Variants in POU6F1 observed in about 807,000 individuals in gnomAD.
POU6F1 encodes POU domain, class 6, transcription factor 1.
Under a neutral mutation model 28.9 loss-of-function variants are expected in POU6F1, and 9 were observed. That is an observed-to-expected ratio of 0.31 (90% CI 0.19 to 0.54). The LOEUF (loss-of-function observed/expected upper bound fraction) is 0.54, where lower values mean the gene tolerates loss of function less well. Ranked by LOEUF, POU6F1 falls within the 20% of genes least tolerant of loss-of-function variation. The pLI is 0.94. For missense variants in POU6F1, 338 were observed against 426.1 expected, an observed-to-expected ratio of 0.79 and a Z score of 1.82; for synonymous variants, 173 against 171.1, an observed-to-expected ratio of 1.01 and a Z score of -0.09.
In POU6F1 at chr12:51,199,989, G is replaced by A. The variant is rs910861672; in HGVS notation, c.245-121C>T. 5 of 398,320 alleles carry A rather than the reference G, an allele frequency of 1.3e-5. No individual in the cohort carries two copies. The highest frequency in any genetic ancestry group is 1.0e-4 in the African/African-American group (5 of 48,628). The allele number at this position is 398,320 out of a possible 1,614,324, so 24.7% of individuals were successfully genotyped here. Reference sequence around the variant, plus strand: ...AAGCGGGGACCCTCAGCCCCATGCTGCATTGCTACATAGCCCAAGACCAAT... The same window carrying A: ...AAGCGGGGACCCTCAGCCCCATGCTACATTGCTACATAGCCCAAGACCAAT... On this transcript the variant is annotated intron_variant, in intron 3 of 10. Coordinates refer to ENST00000333640, the MANE Select transcript of POU6F1 (RefSeq NM_001330422.2). This position sits in a 1 kb window ranked among gnomAD's most constrained non-coding sequence, Gnocchi z 4.1.
rs1345303169 is a variant in POU6F1 at position 51,190,734 on chromosome 12, C to T, written c.1491-142G>A. The T allele has an allele frequency of 7.6e-7, 1 of 1,308,728 alleles. No individual in the cohort carries two copies. Among genetic ancestry groups the T allele is most frequent in the Non-Finnish European group, 1.0e-6 (1 of 977,458 alleles). The allele number at this position is 1,308,728 out of a possible 1,614,324, so 81.1% of individuals were successfully genotyped here. On this transcript the variant is annotated intron_variant, in intron 10 of 10. Transcript: ENST00000333640. The surrounding 1 kb of genome is among the most constrained non-coding windows in gnomAD (Gnocchi z 4.5). ...ACTGTACCCAGTGCTCCCCTCACCA[C>T]CTCCACCAAGACCCCTCTAGTTTGG...
intron 8 of POU6F1, 64 bp downstream of exon 8, chr12:51,195,905 GA>G: frequency 6.7e-7 from 1 of 1,484,062 alleles, no homozygotes; most frequent in South Asian, 1.3e-5. Context: ...TGGCAGTCTG[GA>G]GGGAAGCAGC....
At position 51,198,601 on chromosome 12, in the gene POU6F1, C is replaced by T. The variant is rs968333747; in HGVS notation, c.541G>A (p.Ala181Thr). Residue 181 changes from alanine to threonine, a missense_variant, in exon 5 of 11, where the codon GCT (alanine) becomes ACT (threonine). Ala to Thr is a moderately conservative substitution (Grantham distance 58, BLOSUM62 0). Transcript: ENST00000333640. ...AACACTCCCCCCGTAGGAGAAGCAG[C>T]GGTCAGTCCTGGGAGGGCAGCCACA... is the stretch of plus-strand genomic sequence containing the variant. ...ATVAALPGLT[A>T]ASPTGGVFKP... is the part of the protein sequence containing the mutation. 17 of 399,232 alleles carry T rather than the reference C, an allele frequency of 4.3e-5. No homozygotes were observed. The highest frequency in any genetic ancestry group is 1.8e-4 in the East Asian group (5 of 28,072). 24.7% of individuals were successfully genotyped at this position (399,232 alleles called of 1,614,324 possible). A position where few individuals can be genotyped will look rare whatever the true frequency, so the allele number is the denominator to read the frequency against.
Position 51,199,798 on chromosome 12 carries a change from C to T in POU6F1, c.315G>A (p.Gln105=), listed in dbSNP as rs1943091968. ...GCGTCAGGGTCTGCGATGCCTGAGG[C>T]TGGCTTGGGGCTTGGCTGAAGGTGG... is the stretch of plus-strand genomic sequence containing the variant. ...AIATFSQAPS[Q]PQASQTLTPL... Residue 105 remains glutamine, a synonymous_variant, in exon 4 of 11, where the codon CAG becomes CAA. Coordinates refer to ENST00000333640, the MANE Select transcript of POU6F1 (RefSeq NM_001330422.2). The surrounding 1 kb of genome is among the most constrained non-coding windows in gnomAD (Gnocchi z 4.1). 2.5e-6 allele frequency: 1 copy of T among 399,256 alleles called. No individual in the cohort carries two copies. The highest frequency in any genetic ancestry group is 4.4e-6 in the Non-Finnish European group (1 of 226,194). 24.7% of individuals were successfully genotyped at this position (399,256 alleles called of 1,614,324 possible).
intron 1 of POU6F1, among the ~76,000 whole-genome samples, chr12:51,214,573 C>T (rs972786935): frequency 3.3e-5 from 5 of 152,124 alleles, no homozygotes; most frequent in African/African-American, 1.2e-4. Flanking sequence ...TCTTGCCAAG[C>T]TGTTGGTAGG....
Position 51,206,886 on chromosome 12 carries a change from G to C in POU6F1, c.-47-3C>G. The C allele has an allele frequency of 2.5e-6, 1 of 398,650 alleles. No homozygotes were observed. Among genetic ancestry groups the C allele is most frequent in the Non-Finnish European group, 4.4e-6 (1 of 226,002 alleles). The allele number at this position is 398,650 out of a possible 1,614,324, so 24.7% of individuals were successfully genotyped here. On this transcript the variant is annotated splice_region_variant and splice_polypyrimidine_tract_variant and intron_variant, in intron 1 of 10. Coordinates refer to ENST00000333640, the MANE Select transcript of POU6F1 (RefSeq NM_001330422.2). ...GGCCGGCCCACACCTAGCACATCCT[G>C]GGTAAGATGGGATTGGAAAGGCAAA...
At position 51,199,271 on chromosome 12, in the gene POU6F1, G is replaced by T. The variant is rs1028596226; in HGVS notation, c.366+476C>A. On this transcript the variant is annotated intron_variant, in intron 4 of 10. Transcript: ENST00000333640. This position sits in a 1 kb window ranked among gnomAD's most constrained non-coding sequence, Gnocchi z 4.1. ...GAAGTTTCTGAAGGACCATACCCTTGGCTGGATGCCTTGGAGTCAGGGAAT... is the reference window on the plus strand; with the variant it reads ...GAAGTTTCTGAAGGACCATACCCTTTGCTGGATGCCTTGGAGTCAGGGAAT... 1.3e-5 allele frequency among the ~76,000 whole-genome samples: 2 copies of T among 152,160 alleles called. No homozygotes were observed. The highest frequency in any genetic ancestry group is 1.3e-4 in the Admixed American group (2 of 15,274).
At chr12:51,198,973 T>C (rs919305060) in intron 4 of POU6F1, among the ~76,000 whole-genome samples, 198 bp from the exon 5 acceptor site, 1 of 152,114 alleles carries the variant, frequency 6.6e-6, no homozygotes. Context: ...GGACCGACTA[T>C]CCTGCCTTCA....
At chr12:51,209,096 T>C (rs894726865) in intron 1 of POU6F1, among the ~76,000 whole-genome samples, 2 of 152,218 alleles carry the variant, frequency 1.3e-5, no homozygotes, top group African/African-American at 4.8e-5. Flanking sequence ...ACCCAGTTTA[T>C]GGTATTTTGT....
At chr12:51,209,665 C>A (rs1202112872) in intron 1 of POU6F1, among the ~76,000 whole-genome samples, 1 of 152,170 alleles carries the variant, frequency 6.6e-6, no homozygotes, top group African/African-American at 2.4e-5. Flanking sequence ...TGCTGGATCA[C>A]CCCTGGGGTT....
rs907724417 is a variant in POU6F1, at chr12:51,217,506, C to T, written c.-48+136G>A. ...GCATCCCGCCGCCCCGGCCCCGCGG[C>T]TTTTTTTCTCTTTATCATAAATATA... On this transcript the variant is annotated intron_variant, in intron 1 of 10. Coordinates refer to ENST00000333640, the MANE Select transcript of POU6F1 (RefSeq NM_001330422.2). This position sits in a 1 kb window ranked among gnomAD's most constrained non-coding sequence, Gnocchi z 5.3. The T allele has an allele frequency of 6.6e-6, 1 of 152,656 alleles. No individual in the cohort carries two copies. Among genetic ancestry groups the T allele is most frequent in the Admixed American group, 6.6e-5 (1 of 15,238 alleles). The allele number at this position is 152,656 out of a possible 1,614,324, so 9.5% of individuals were successfully genotyped here. A position where few individuals can be genotyped will look rare whatever the true frequency, so the allele number is the denominator to read the frequency against.
At chr12:51,203,195 A>G (rs1394111654) in intron 3 of POU6F1, among the ~76,000 whole-genome samples, 1 of 152,218 alleles carries the variant, frequency 6.6e-6, no homozygotes, top group East Asian at 1.9e-4. Context: ...GCGAATTTGG[A>G]TAAGGAGCAG....
At chr12:51,192,530 T>C in intron 8 of POU6F1, 59 bp from the exon 9 acceptor site, 1 of 1,582,562 alleles carries the variant, frequency 6.3e-7, no homozygotes, top group African/African-American at 1.3e-5. Context: ...GGAGTTAAAA[T>C]CCCTGGGTGG....
chr12:51,195,046 C>A (rs1942717757), intron 8 of POU6F1, among the ~76,000 whole-genome samples: 1 of 152,226 alleles, frequency 6.6e-6, no homozygotes, highest in Admixed American at 6.5e-5. Flanking sequence ...GATTCTGATG[C>A]ACAGGCTTGA....
Position 51,197,400 on chromosome 12 carries a change from C to G in POU6F1, c.846+370G>C, listed in dbSNP as rs77488652. On this transcript the variant is annotated intron_variant, in intron 6 of 10. Coordinates refer to ENST00000333640, the MANE Select transcript of POU6F1 (RefSeq NM_001330422.2). ...GATGTGATCCTAGTCATATCTAACG[C>G]CTCCCACTGCCAAGCCAGGAGCTAC... Among the ~76,000 whole-genome samples the G allele has an allele frequency of 8.9e-3, 1,355 of 152,266 alleles. 14 individuals carry two copies. The highest frequency in any genetic ancestry group is 0.031 in the African/African-American group (1,270 of 41,538).
chr12:51,187,140 G>A lies in POU6F1; in HGVS notation c.*3107C>T, dbSNP rs1347266644. On this transcript the variant is annotated 3_prime_UTR_variant, in exon 11 of 11. Transcript: ENST00000333640. ...ATTGGATTTCCAAGAACACAAAAAT[G>A]TCAGAGTCTCGCATTCCAAACTCGT... The A allele has an allele frequency of 1.3e-5, 2 of 152,150 alleles. No homozygotes were observed. The highest frequency in any genetic ancestry group is 2.4e-5 in the African/African-American group (1 of 41,430). The allele number at this position is 152,150 out of a possible 1,614,324, so 9.4% of individuals were successfully genotyped here.
chr12:51,200,251 G>T (rs1037257375), intron 3 of POU6F1, among the ~76,000 whole-genome samples: 1 of 152,230 alleles, frequency 6.6e-6, no homozygotes, highest in Non-Finnish European at 1.5e-5. Context: ...GAAATGATGG[G>T]AGCGGCTGTC....
chr12:51,198,157 C>T (rs948305753), intron 5 of POU6F1, 134 bp from the exon 6 acceptor site: 3 of 397,832 alleles, frequency 7.5e-6, no homozygotes, highest in African/African-American at 4.1e-5. Context: ...AGCCACGATT[C>T]CCTTGATCCT....
chr12:51,198,255 T>C (rs1251773732), intron 5 of POU6F1: 4 of 395,918 alleles, frequency 1.0e-5, no homozygotes, highest in Non-Finnish European at 1.8e-5. Flanking sequence ...TTGAATCTTC[T>C]TGTAGTCCTT....
Sources: allele counts gnomAD v4.1 joint callset (sites outside exome capture counted in the v4.1 genomes callset), GRCh38; gene constraint gnomAD v4.1.1; non-coding constraint Gnocchi (gnomAD v3.1); transcripts MANE v1.5; gene names NCBI Gene and HGNC (gene_info 2026-07-23, HGNC 2026-07-21).